The following GNAI3 variants were observed in gnomAD, a reference collection of about 807,000 sequenced individuals.
The protein encoded by GNAI3 is guanine nucleotide-binding protein G(i) subunit alpha-3.
In GNAI3, 12 loss-of-function variants were observed where a neutral mutation model predicts 41.8. The ratio of observed to expected loss-of-function variants is 0.29; its 90% CI spans 0.18 to 0.47. GNAI3 has a LOEUF of 0.47. Ranked by LOEUF, GNAI3 falls within the 20% of genes least tolerant of loss-of-function variation. The pLI, the probability that GNAI3 is intolerant of heterozygous loss-of-function variation, is 1.00. For synonymous variants in GNAI3, 132 were observed against 146.5 expected (o/e 0.90, Z 0.71); for missense variants, 360 against 429.6 (o/e 0.84, Z 1.43).
chr1:109,558,848 T>G (rs1214775247), intron 1 of GNAI3, among the ~76,000 whole-genome samples: 4 of 152,030 alleles, frequency 2.6e-5, no homozygotes, highest in Non-Finnish European at 4.4e-5. Context: ...TAGGACTTGT[T>G]GAAGGGAGTG....
Position 109,582,490 on chromosome 1 carries a change from A to G in GNAI3, c.515A>G (p.Gln172Arg). Residue 172 changes from glutamine to arginine, a missense_variant, in exon 5 of 9, where the codon CAA (glutamine) becomes CGA (arginine). Coordinates refer to ENST00000369851, the MANE Select transcript of GNAI3 (RefSeq NM_006496.4). ...CAGTCTAACTACATTCCAACTCAGC[A>G]AGATGTTCTTCGGACGAGAGTGAAG... ...ISQSNYIPTQ[Q>R]DVLRTRVKTT... 1 of 1,597,030 alleles carries G rather than the reference A, an allele frequency of 6.3e-7. No individual in the cohort carries two copies. The highest frequency in any genetic ancestry group is 8.6e-7 in the Non-Finnish European group (1 of 1,164,382).
In GNAI3 at chr1:109,584,920, A is replaced by G. The variant is rs569282794; in HGVS notation, c.591-1296A>G. On this transcript the variant is annotated intron_variant, in intron 5 of 8. Coordinates refer to ENST00000369851, the MANE Select transcript of GNAI3 (RefSeq NM_006496.4). ...TTCCTAAAACCTGTATTGTGACCCT[A>G]TATTAAAGCCAACTTGTGATTACAT... Among the ~76,000 whole-genome samples the G allele has an allele frequency of 1.2e-4, 19 of 152,346 alleles. No individual in the cohort carries two copies. The South Asian group carries it at 3.9e-3, about 32-fold the overall frequency.
At position 109,594,346 on chromosome 1, in the gene GNAI3, T is replaced by G. The variant is rs938576033; in HGVS notation, c.*2024T>G. 6.6e-6 allele frequency: 1 copy of G among 152,174 alleles called. No individual in the cohort carries two copies. The highest frequency in any genetic ancestry group is 6.5e-5 in the Admixed American group (1 of 15,276). 9.4% of individuals were successfully genotyped at this position (152,174 alleles called of 1,614,324 possible). A position where few individuals can be genotyped will look rare whatever the true frequency, so the allele number is the denominator to read the frequency against. On this transcript the variant is annotated 3_prime_UTR_variant, in exon 9 of 9. Transcript: ENST00000369851. Reference sequence around the variant, plus strand: ...TAAAATAACCAATAATCCAAAAAAGTTCATTTTACTTTGAATTTGTATTTT... The same window carrying G: ...TAAAATAACCAATAATCCAAAAAAGGTCATTTTACTTTGAATTTGTATTTT...
chr1:109,567,151 A>C (rs1031896894), intron 1 of GNAI3, among the ~76,000 whole-genome samples: 1 of 152,156 alleles, frequency 6.6e-6, no homozygotes, highest in Non-Finnish European at 1.5e-5. Flanking sequence ...TATGTCTGAT[A>C]ATGGGGGCCC....
At chr1:109,586,578 G>T in intron 6 of GNAI3, 151 bp from the exon 7 acceptor site, 1 of 683,506 alleles carries the variant, frequency 1.5e-6, no homozygotes, top group Non-Finnish European at 2.4e-6. Flanking sequence ...TTACAAAAAT[G>T]AGGACTGACA....
At chr1:109,551,458 CAT>C (rs1004598897) in intron 1 of GNAI3, among the ~76,000 whole-genome samples, 1 of 152,196 alleles carries the variant, frequency 6.6e-6, no homozygotes, top group African/African-American at 2.4e-5. Flanking sequence ...TCTCCTGACA[CAT>C]GATATATTTT....
chr1:109,575,518 C>T (rs1648715294), intron 3 of GNAI3, among the ~76,000 whole-genome samples: 1 of 149,180 alleles, frequency 6.7e-6, no homozygotes, highest in African/African-American at 2.5e-5. Context: ...TTATTTATCT[C>T]CCTACCCTTT....
chr1:109,592,131 T>G lies in GNAI3; in HGVS notation c.963T>G (p.Thr321=), dbSNP rs774499637. The G allele has an allele frequency of 3.1e-6, 5 of 1,611,492 alleles. No homozygotes were observed. Among genetic ancestry groups the G allele is most frequent in the Non-Finnish European group, 4.2e-6 (5 of 1,177,556 alleles). ...GAAAAGATACCAAGGAGATCTATAC[T>G]CACTTCACCTGTGCCACAGACACGA... ...NRRKDTKEIY[T]HFTCATDTKN... is the part of the protein sequence containing the mutation. The change falls in exon 8 of 9, where the codon ACT becomes ACG. Residue 321 remains threonine (T), a synonymous_variant. Coordinates refer to ENST00000369851, the MANE Select transcript of GNAI3 (RefSeq NM_006496.4).
In GNAI3 at chr1:109,553,682, T is replaced by C. The variant is rs1290332773; in HGVS notation, c.118+4844T>C. ...TGTTTTATAAGCATGTATCATTCTT[T>C]GTGTCTTTTATTTAAATGCATTAGT... On this transcript the variant is annotated intron_variant, in intron 1 of 8. Coordinates refer to ENST00000369851, the MANE Select transcript of GNAI3 (RefSeq NM_006496.4). Among the ~76,000 whole-genome samples, 4 of 152,248 alleles carry C rather than the reference T, an allele frequency of 2.6e-5. No homozygotes were observed. The South Asian group carries it at 6.2e-4, about 24-fold the overall frequency.
In GNAI3 at chr1:109,598,219, TAC is replaced by T. The variant is rs1008131981; in HGVS notation, c.*5899_*5900del. 1 of 152,224 alleles carries T rather than the reference TAC, an allele frequency of 6.6e-6. No homozygotes were observed. The highest frequency in any genetic ancestry group is 2.4e-5 in the African/African-American group (1 of 41,462). The allele number at this position is 152,224 out of a possible 1,614,324, so 9.4% of individuals were successfully genotyped here. ...ATATGTAAGAGAGATTTCCAGTAGATACAACAAAACACAAGAAATCACCTGTT... is the reference window on the plus strand; with the variant it reads ...ATATGTAAGAGAGATTTCCAGTAGATAACAAAACACAAGAAATCACCTGTT... On this transcript the variant is annotated 3_prime_UTR_variant, in exon 9 of 9. Coordinates refer to ENST00000369851, the MANE Select transcript of GNAI3 (RefSeq NM_006496.4).
chr1:109,555,734 T>C (rs1404705494), intron 1 of GNAI3, among the ~76,000 whole-genome samples: 1 of 152,208 alleles, frequency 6.6e-6, no homozygotes, highest in East Asian at 1.9e-4. Flanking sequence ...GGCAGTTGTC[T>C]CTAATAAAAT....
At chr1:109,572,662 G>T (rs1363825373) in intron 1 of GNAI3, among the ~76,000 whole-genome samples, 3 of 152,150 alleles carry the variant, frequency 2.0e-5, no homozygotes, top group African/African-American at 4.8e-5. Context: ...TGGTGTGGTA[G>T]CTAGAAGAAA....
chr1:109,560,255 T>G (rs780927851), intron 1 of GNAI3, among the ~76,000 whole-genome samples: 270 of 152,368 alleles, frequency 1.8e-3, no homozygotes, highest in Admixed American at 3.1e-3. Flanking sequence ...GATAAATGTT[T>G]TTAATGTTAA....
Position 109,598,654 on chromosome 1 carries a change from G to A in GNAI3, c.*6332G>A, listed in dbSNP as rs559991396. The A allele has an allele frequency of 1.4e-5, 3 of 217,874 alleles. No individual in the cohort carries two copies. The highest frequency in any genetic ancestry group is 5.3e-5 in the South Asian group (1 of 18,996). The allele number at this position is 217,874 out of a possible 1,614,324, so 13.5% of individuals were successfully genotyped here. A position where few individuals can be genotyped will look rare whatever the true frequency, so the allele number is the denominator to read the frequency against. On this transcript the variant is annotated 3_prime_UTR_variant, in exon 9 of 9. Coordinates refer to ENST00000369851, the MANE Select transcript of GNAI3 (RefSeq NM_006496.4). The stretch of plus-strand genomic sequence containing the variant: ...TGAACTATAAATTGCTCTAAAATTC[G>A]TGAAGCAGGGTGAAAAGGTCTTTGC...
intron 1 of GNAI3, among the ~76,000 whole-genome samples, chr1:109,569,823 T>A (rs1464582216): frequency 2.6e-5 from 4 of 151,800 alleles, no homozygotes; most frequent in African/African-American, 9.7e-5. Flanking sequence ...TTTTTTTTTT[T>A]AATCAGCGCA....
At chr1:109,570,540 A>T (rs1368055862) in intron 1 of GNAI3, among the ~76,000 whole-genome samples, 1 of 152,178 alleles carries the variant, frequency 6.6e-6, no homozygotes, top group African/African-American at 2.4e-5. Flanking sequence ...AAGGGGAGAG[A>T]CTGTGACGGG....
chr1:109,586,225 T>C lies in GNAI3; in HGVS notation c.600T>C (p.Asp200=), dbSNP rs1322768649. The change falls in exon 6 of 9, where the codon GAT becomes GAC. Residue 200 remains aspartate, a synonymous_variant. Coordinates refer to ENST00000369851, the MANE Select transcript of GNAI3 (RefSeq NM_006496.4). ...TFKDLYFKMF[D]VGGQRSERKK... is the part of the protein sequence containing the mutation. ...CTTTCCCCTTGCGCAGGATGTTTGA[T>C]GTAGGTGGCCAAAGATCAGAACGAA... The C allele has an allele frequency of 1.9e-6, 3 of 1,613,440 alleles. No homozygotes were observed. The highest frequency in any genetic ancestry group is 2.5e-6 in the Non-Finnish European group (3 of 1,179,582).
chr1:109,574,019 T>C lies in GNAI3; in HGVS notation c.285T>C (p.Phe95=), dbSNP rs147658026. 601 of 1,611,856 alleles carry C rather than the reference T, an allele frequency of 3.7e-4. 1 individual carries two copies. Among genetic ancestry groups the C allele is most frequent in the Non-Finnish European group, 4.9e-4 (575 of 1,178,842 alleles). ...IRAMGRLKID[F]GEAARADDAR... ...CCATGGGACGGCTAAAGATTGACTT[T>C]GGGGAAGCTGCCAGGGCAGTAAGTG... is the stretch of plus-strand genomic sequence containing the variant. Residue 95 remains phenylalanine (F), a synonymous_variant, in exon 3 of 9, where the codon TTT becomes TTC. Transcript: ENST00000369851.
At chr1:109,557,486 C>T (rs1465673591) in intron 1 of GNAI3, among the ~76,000 whole-genome samples, 2 of 152,042 alleles carry the variant, frequency 1.3e-5, no homozygotes, top group Non-Finnish European at 2.9e-5. Flanking sequence ...ATACAAGTCA[C>T]AAGTAAAAGA....
Sources: allele counts gnomAD v4.1 joint callset (sites outside exome capture counted in the v4.1 genomes callset), GRCh38; gene constraint gnomAD v4.1.1; transcripts MANE v1.5; gene names NCBI Gene and HGNC (gene_info 2026-07-23, HGNC 2026-07-21).